BRCA1: variants seen among roughly 807,000 people sequenced by gnomAD.
BRCA1 encodes the protein breast cancer type 1 susceptibility protein.
BRCA1 carries 140 observed loss-of-function variants against 173.7 expected under a neutral mutation model. The observed-to-expected ratio is 0.81, with a 90% CI of 0.70 to 0.93. BRCA1 has a LOEUF of 0.93. Ranked by LOEUF, BRCA1 falls within the 40% of genes least tolerant of loss-of-function variation. The probability of loss-of-function intolerance (pLI) is 0.00; values close to 1 mark genes in which losing one functional copy is unlikely to be tolerated. For missense variants in BRCA1, 1,983 were observed against 2,172.5 expected, an observed-to-expected ratio of 0.91 and a Z score of 1.73; for synonymous variants, 662 against 756.0, an observed-to-expected ratio of 0.88 and a Z score of 2.04.
intron 1 of BRCA1, among the ~76,000 whole-genome samples, chr17:43,156,439 T>C (rs1273820414): frequency 2.0e-5 from 3 of 152,118 alleles, no homozygotes; most frequent in Non-Finnish European, 2.9e-5. Context: ...GCTAACCACT[T>C]TACCTGAACC....
intron 17 of BRCA1, 42 bp from the exon 18 acceptor site, chr17:43,063,415 A>G: frequency 6.5e-7 from 1 of 1,540,342 alleles, no homozygotes; most frequent in Non-Finnish European, 9.0e-7. Context: ...ACAGCAGAAG[A>G]ACGTGCTCTT....
intron 19 of BRCA1, among the ~76,000 whole-genome samples, chr17:43,054,003 T>G (rs2051358177): frequency 6.6e-6 from 1 of 152,140 alleles, no homozygotes; most frequent in South Asian, 2.1e-4. Flanking sequence ...AAGTTTCACC[T>G]CTACATATAC....
chr17:43,051,740 G>A (rs1410076027), intron 19 of BRCA1, among the ~76,000 whole-genome samples: 4 of 151,718 alleles, frequency 2.6e-5, no homozygotes, highest in Non-Finnish European at 5.9e-5. Context: ...GGGTTCAAGC[G>A]ATTCTCCTGC....
chr17:43,133,704 C>G (rs547873803), intron 1 of BRCA1, among the ~76,000 whole-genome samples: 4 of 147,244 alleles, frequency 2.7e-5, no homozygotes, highest in African/African-American at 1.0e-4. Flanking sequence ...GCATGATCTT[C>G]GCTCACTGCA....
chr17:43,100,181 A>G (rs889776095), intron 6 of BRCA1, among the ~76,000 whole-genome samples: 1 of 152,140 alleles, frequency 6.6e-6, no homozygotes, highest in Non-Finnish European at 1.5e-5. Context: ...TAGTAGTAGT[A>G]ATAATAAAAT....
intron 6 of BRCA1, among the ~76,000 whole-genome samples, chr17:43,101,931 G>C (rs936730031): frequency 1.3e-5 from 2 of 151,308 alleles, no homozygotes; most frequent in African/African-American, 4.9e-5. Context: ...TAAAAGATAG[G>C]GTCTCAGTCA....
upstream of BRCA1, among the ~76,000 whole-genome samples, chr17:43,126,696 G>C (rs1017963160): frequency 6.6e-6 from 1 of 152,114 alleles, no homozygotes; most frequent in African/African-American, 2.4e-5. Flanking sequence ...AGCAGCCCTC[G>C]CTCGCTCTCG....
chr17:43,077,433 C>T (rs369854869), intron 12 of BRCA1, among the ~76,000 whole-genome samples: 1 of 151,820 alleles, frequency 6.6e-6, no homozygotes, highest in Non-Finnish European at 1.5e-5. Flanking sequence ...TGGGTTCAAG[C>T]GATTCTCCTG....
At chr17:43,154,356 C>T (rs541149151) in intron 1 of BRCA1, among the ~76,000 whole-genome samples, 2 of 151,978 alleles carry the variant, frequency 1.3e-5, no homozygotes, top group South Asian at 4.1e-4. Context: ...TGGTGGCAGG[C>T]GCCTGTAATC....
rs144792613 is a variant in BRCA1 at position 43,124,077 on chromosome 17, C to T, written c.20G>A (p.Arg7His). Reference sequence around the variant, plus strand: ...AATGACATTTTGTACTTCTTCAACGCGAAGAGCAGATAAATCCATTTCTTT... The same window carrying T: ...AATGACATTTTGTACTTCTTCAACGTGAAGAGCAGATAAATCCATTTCTTT... MDLSALRVEEVQNVINA... is the reference protein window; with the variant it reads MDLSALHVEEVQNVINA... The change falls in exon 2 of 23, where the codon CGC becomes CAC. Residue 7 changes from arginine (R) to histidine (H), a missense_variant. Transcript: ENST00000357654. 9 of 1,613,318 alleles carry T rather than the reference C, an allele frequency of 5.6e-6. No homozygotes were observed. The Admixed American group carries it at 1.3e-4, about 24-fold the overall frequency.
chr17:43,128,091 TC>T (rs1284865655), upstream of BRCA1, among the ~76,000 whole-genome samples: 3 of 148,706 alleles, frequency 2.0e-5, no homozygotes, highest in Non-Finnish European at 4.5e-5. Flanking sequence ...CGCTCTGGTC[TC>T]CTTCCACGCT....
At chr17:43,086,562 G>A (rs1478578951) in intron 11 of BRCA1, among the ~76,000 whole-genome samples, 1 of 152,132 alleles carries the variant, frequency 6.6e-6, no homozygotes, top group African/African-American at 2.4e-5. Flanking sequence ...TAGATGCTTA[G>A]TAAAAACACG....
chr17:43,131,072 GGTT>G (rs1384518603), intron 1 of BRCA1: 2 of 176,146 alleles, frequency 1.1e-5, no homozygotes, highest in African/African-American at 2.4e-5. Flanking sequence ...GGGTTGTGAT[GGTT>G]GTTTGTTGTC....
chr17:43,127,095 C>T (rs1441916845), upstream of BRCA1, among the ~76,000 whole-genome samples: 1 of 152,218 alleles, frequency 6.6e-6, no homozygotes, highest in Non-Finnish European at 1.5e-5. Context: ...CATGCCCGAG[C>T]CCCCTCCCAA....
intron 15 of BRCA1, among the ~76,000 whole-genome samples, chr17:43,070,500 A>G (rs1177563873): frequency 1.3e-5 from 2 of 152,332 alleles, no homozygotes; most frequent in South Asian, 2.1e-4. Context: ...AACAAACACT[A>G]GAGAAATGCT....
At chr17:43,112,389 G>T (rs2055076709) in intron 3 of BRCA1, 1 of 151,990 alleles carries the variant, frequency 6.6e-6, no homozygotes, top group Non-Finnish European at 1.5e-5. Flanking sequence ...CCCGGCTTTG[G>T]ACTTTTAATT....
intron 22 of BRCA1, among the ~76,000 whole-genome samples, chr17:43,046,744 T>G (rs1597798453): frequency 3.1e-5 from 4 of 130,450 alleles, no homozygotes; most frequent in Admixed American, 8.4e-5. Flanking sequence ...AGTGACAGAG[T>G]GAGACTCCAC....
chr17:43,139,888 T>G (rs1192661950), intron 1 of BRCA1: 2 of 473,548 alleles, frequency 4.2e-6, no homozygotes, highest in Non-Finnish European at 8.8e-6. Context: ...TTTTTATGAT[T>G]GCACATCTTT....
intron 1 of BRCA1, among the ~76,000 whole-genome samples, chr17:43,153,013 C>G (rs917117247): frequency 6.6e-6 from 1 of 151,922 alleles, no homozygotes; most frequent in African/African-American, 2.4e-5. Flanking sequence ...CCAGCCCGGG[C>G]AATAGAGTGA....
Sources: gnomAD v4.1 joint callset for allele counts (sites outside exome capture counted in the v4.1 genomes callset) on GRCh38, gnomAD v4.1.1 for gene constraint, MANE v1.5 for transcripts, NCBI Gene and HGNC (gene_info 2026-07-23, HGNC 2026-07-21) for gene names.